Variants in CDKAL1 observed in about 807,000 individuals in gnomAD.
CDKAL1 encodes threonylcarbamoyladenosine tRNA methylthiotransferase.
CDKAL1 carries 32 observed loss-of-function variants against 68.2 expected under a neutral mutation model. The observed-to-expected ratio is 0.47, with a 90% CI of 0.35 to 0.63. CDKAL1 has a LOEUF of 0.63. Among genes scored for constraint, CDKAL1 ranks in the 30% least tolerant of loss-of-function variants. CDKAL1 has a pLI of 0.00. For missense variants in CDKAL1, 606 were observed against 696.7 expected, an observed-to-expected ratio of 0.87 and a Z score of 1.47; for synonymous variants, 234 against 244.3, an observed-to-expected ratio of 0.96 and a Z score of 0.39.
chr6:20,643,876 G>A (rs144486312), intron 4 of CDKAL1, among the ~76,000 whole-genome samples: 10 of 152,168 alleles, frequency 6.6e-5, no homozygotes, highest in African/African-American at 1.9e-4. Flanking sequence ...CCAGGCTGGA[G>A]TGCAGTGGTG....
chr6:20,750,115 T>G (rs1414742824), intron 6 of CDKAL1, among the ~76,000 whole-genome samples: 1 of 152,138 alleles, frequency 6.6e-6, no homozygotes, highest in Non-Finnish European at 1.5e-5. Flanking sequence ...GCAGGGATGT[T>G]GTATTTTTTG....
chr6:21,124,672 A>G (rs917336815), intron 13 of CDKAL1, among the ~76,000 whole-genome samples: 8 of 150,442 alleles, frequency 5.3e-5, no homozygotes, highest in African/African-American at 2.0e-4. Context: ...CCACAAAGAG[A>G]ACGAGGTCAA....
rs1369820751 is a variant in CDKAL1, at chr6:20,654,288, C to CG, written c.371+4911_371+4912insG. 2.8e-5 allele frequency among the ~76,000 whole-genome samples: 4 copies of CG among 144,396 alleles called. No homozygotes were observed. In the East Asian group the frequency reaches 8.6e-4, roughly 31 times the overall value. The allele number at this position is 144,396 out of a possible 152,430, so 94.7% of individuals were successfully genotyped here. ...TAAAATGGCTTCTCAGGTCATTTGT[C>CG]TATTTTTCTGGTTTTTTTTTTTCAT... is the stretch of plus-strand genomic sequence containing the variant. On this transcript the variant is annotated intron_variant, in intron 5 of 15. Transcript: ENST00000274695.
At chr6:21,220,399 G>C (rs1445325031) in intron 15 of CDKAL1, among the ~76,000 whole-genome samples, 1 of 152,058 alleles carries the variant, frequency 6.6e-6, no homozygotes, top group African/African-American at 2.4e-5. Context: ...CCTCTCTTTG[G>C]AGAAAAAAAT....
intron 4 of CDKAL1, among the ~76,000 whole-genome samples, chr6:20,607,831 A>G (rs1264667231): frequency 1.3e-5 from 2 of 151,942 alleles, no homozygotes; most frequent in African/African-American, 4.8e-5. Flanking sequence ...AGTAGCTGGG[A>G]CTAGAGGCAT....
intron 11 of CDKAL1, among the ~76,000 whole-genome samples, chr6:21,041,919 C>T (rs1456254389): frequency 6.6e-6 from 1 of 152,164 alleles, no homozygotes; most frequent in East Asian, 1.9e-4. Flanking sequence ...TAGCTATTTA[C>T]AGAGATTCTG....
At chr6:20,782,242 C>T (rs985440554) in intron 8 of CDKAL1, among the ~76,000 whole-genome samples, 1 of 152,126 alleles carries the variant, frequency 6.6e-6, no homozygotes, top group African/African-American at 2.4e-5. Flanking sequence ...CAAAGTCATT[C>T]GGTTTTTCCC....
intron 8 of CDKAL1, among the ~76,000 whole-genome samples, chr6:20,844,117 A>G (rs1778282835): frequency 6.6e-6 from 1 of 152,204 alleles, no homozygotes; most frequent in South Asian, 2.1e-4. Flanking sequence ...GAGGATGAAA[A>G]ACAGAAATTG....
At chr6:20,751,778 A>G (rs948126945) in intron 6 of CDKAL1, among the ~76,000 whole-genome samples, 3 of 152,220 alleles carry the variant, frequency 2.0e-5, no homozygotes, top group Non-Finnish European at 4.4e-5. Context: ...GTAATAAAAC[A>G]TACTGCCTGT....
At chr6:20,702,248 AC>A (rs1241977384) in intron 5 of CDKAL1, among the ~76,000 whole-genome samples, 1 of 151,928 alleles carries the variant, frequency 6.6e-6, no homozygotes, top group Non-Finnish European at 1.5e-5. Context: ...TGGGGCTCTG[AC>A]CCCATGGCAG....
At chr6:20,805,586 G>T (rs1011528030) in intron 8 of CDKAL1, among the ~76,000 whole-genome samples, 2 of 152,264 alleles carry the variant, frequency 1.3e-5, no homozygotes, top group South Asian at 2.1e-4. Flanking sequence ...TATAGCTGTG[G>T]TAAAAATAAT....
chr6:20,914,773 A>T (rs1313711125), intron 9 of CDKAL1, among the ~76,000 whole-genome samples: 1 of 152,216 alleles, frequency 6.6e-6, no homozygotes, highest in Non-Finnish European at 1.5e-5. Context: ...TCCCCTAAGA[A>T]GCTCTGTAGT....
At chr6:20,558,556 G>A (rs1764149688) in intron 4 of CDKAL1, 1 of 456,650 alleles carries the variant, frequency 2.2e-6, no homozygotes, top group African/African-American at 2.0e-5. Context: ...ATGAAATTTG[G>A]GAATCCTATA....
chr6:20,645,769 ATTT>A (rs1768422331), intron 4 of CDKAL1, among the ~76,000 whole-genome samples: 2 of 57,556 alleles, frequency 3.5e-5, no homozygotes, highest in Non-Finnish European at 9.5e-5. Context: ...TAAATAAATA[ATTT>A]TATTTTATTT....
At chr6:20,877,978 G>A (rs758393793) in intron 9 of CDKAL1, among the ~76,000 whole-genome samples, 4 of 152,026 alleles carry the variant, frequency 2.6e-5, no homozygotes, top group Non-Finnish European at 5.9e-5. Flanking sequence ...AAAGATGATG[G>A]GTCTTTGCTG....
chr6:20,835,475 GC>G (rs529768917), intron 8 of CDKAL1, among the ~76,000 whole-genome samples: 1 of 138,910 alleles, frequency 7.2e-6, no homozygotes, highest in African/African-American at 2.9e-5. Flanking sequence ...GCTTTGCTTT[GC>G]TTTGTTTGTC....
At chr6:20,599,665 A>C (rs926766556) in intron 4 of CDKAL1, among the ~76,000 whole-genome samples, 1 of 152,204 alleles carries the variant, frequency 6.6e-6, no homozygotes, top group Non-Finnish European at 1.5e-5. Context: ...GTCGTGTGGT[A>C]GGCAGTGTTC....
intron 4 of CDKAL1, among the ~76,000 whole-genome samples, chr6:20,609,342 T>TTCCCTCCTTCTCC (rs1766496328): frequency 7.3e-6 from 1 of 137,384 alleles, no homozygotes; most frequent in African/African-American, 2.7e-5. Flanking sequence ...TCCCTCTCTT[T>TTCCCTCCTTCTCC]TCCCTCCTTC....
chr6:21,003,369 T>TAA (rs1292656062), intron 11 of CDKAL1, among the ~76,000 whole-genome samples: 1 of 46,626 alleles, frequency 2.1e-5, no homozygotes, highest in African/African-American at 8.8e-5. Flanking sequence ...TATATATATA[T>TAA]ATACACACAC....
Sources: gnomAD v4.1 joint callset for allele counts (sites outside exome capture counted in the v4.1 genomes callset) on GRCh38, gnomAD v4.1.1 for gene constraint, MANE v1.5 for transcripts, NCBI Gene and HGNC (gene_info 2026-07-23, HGNC 2026-07-21) for gene names.